The following SMOC1 variants were observed in gnomAD, a reference collection of about 807,000 sequenced individuals.
SMOC1 encodes SPARC-related modular calcium-binding protein 1.
Under a neutral mutation model 56.3 loss-of-function variants are expected in SMOC1, and 22 were observed. That is an observed-to-expected ratio of 0.39 (90% CI 0.28 to 0.56). The LOEUF is 0.56. SMOC1 is among the 20% of genes least tolerant of loss of function. The pLI, the probability that SMOC1 is intolerant of heterozygous loss-of-function variation, is 0.61. For synonymous variants in SMOC1, 193 were observed against 215.0 expected, an observed-to-expected ratio of 0.90 and a Z score of 0.89; for missense variants, 509 against 565.4, an observed-to-expected ratio of 0.90 and a Z score of 1.01.
chr14:69,940,001 G>A (rs141444417), intron 1 of SMOC1, among the ~76,000 whole-genome samples: 7 of 152,308 alleles, frequency 4.6e-5, no homozygotes, highest in African/African-American at 7.2e-5. Context: ...GTTTCTCTTT[G>A]CCATCTAGCT....
chr14:70,023,829 A>ATGTGTGTG (rs57688603), intron 11 of SMOC1, among the ~76,000 whole-genome samples: 1 of 144,944 alleles, frequency 6.9e-6, no homozygotes, highest in African/African-American at 2.5e-5. Context: ...GAGTGTGTGT[A>ATGTGTGTG]TGTGTGTGTG....
chr14:69,999,499 A>G (rs1210004498), intron 7 of SMOC1, among the ~76,000 whole-genome samples: 1 of 152,206 alleles, frequency 6.6e-6, no homozygotes. Context: ...TGAGTAATCC[A>G]CTAACGTTAG....
chr14:69,990,893 C>T lies in SMOC1; in HGVS notation c.527-1524C>T, dbSNP rs116935865. On this transcript the variant is annotated intron_variant, in intron 5 of 11. Coordinates refer to ENST00000361956, the MANE Select transcript of SMOC1 (RefSeq NM_001034852.3). ...AATAATATCAGGGTCAGGTGTCACCCGACTGTCAGCTCAGCTGCTGGCCTC... is the reference window on the plus strand; with the variant it reads ...AATAATATCAGGGTCAGGTGTCACCTGACTGTCAGCTCAGCTGCTGGCCTC... Among the ~76,000 whole-genome samples the T allele has an allele frequency of 1.1e-4, 17 of 152,216 alleles. No individual in the cohort carries two copies. The East Asian group carries it at 3.1e-3, about 28-fold the overall frequency.
At chr14:70,005,194 AAG>A (rs1885108307) in intron 7 of SMOC1, among the ~76,000 whole-genome samples, 2 of 152,232 alleles carry the variant, frequency 1.3e-5, no homozygotes, top group Admixed American at 6.5e-5. Flanking sequence ...AGAAAGGAAA[AAG>A]ATGATGAAGA....
intron 10 of SMOC1, among the ~76,000 whole-genome samples, chr14:70,015,765 G>C (rs536248300): frequency 6.6e-6 from 1 of 152,292 alleles, no homozygotes; most frequent in Admixed American, 6.5e-5. Flanking sequence ...AGCACATCCA[G>C]ATCTCCAAGA....
intron 10 of SMOC1, among the ~76,000 whole-genome samples, chr14:70,018,588 A>T (rs1286602746): frequency 6.6e-6 from 1 of 152,138 alleles, no homozygotes; most frequent in Non-Finnish European, 1.5e-5. Flanking sequence ...TCCCCCTTAG[A>T]ACAGCCTTCC....
At chr14:69,952,918 G>T (rs958967148) in intron 2 of SMOC1, among the ~76,000 whole-genome samples, 2 of 152,090 alleles carry the variant, frequency 1.3e-5, no homozygotes. Flanking sequence ...TCTCATATCC[G>T]GCTGGTTTCT....
At chr14:69,969,479 G>C (rs1303717212) in intron 3 of SMOC1, among the ~76,000 whole-genome samples, 1 of 151,942 alleles carries the variant, frequency 6.6e-6, no homozygotes, top group East Asian at 1.9e-4. Flanking sequence ...AGGGAGGGGA[G>C]GTGCCACACA....
chr14:69,990,651 T>C (rs2139540170), intron 5 of SMOC1, among the ~76,000 whole-genome samples: 1 of 152,358 alleles, frequency 6.6e-6, no homozygotes, highest in African/African-American at 2.4e-5. Context: ...ATTGTGTGGC[T>C]CTGTTCTGTG....
chr14:69,922,195 A>G (rs1449527759), intron 1 of SMOC1, among the ~76,000 whole-genome samples: 2 of 152,242 alleles, frequency 1.3e-5, no homozygotes, highest in East Asian at 1.9e-4. Flanking sequence ...TCTCATTGGT[A>G]AAATAAAAGT....
At chr14:69,998,642 T>C (rs1473918992) in intron 7 of SMOC1, among the ~76,000 whole-genome samples, 1 of 152,166 alleles carries the variant, frequency 6.6e-6, no homozygotes, top group African/African-American at 2.4e-5. Context: ...TACATCTTTG[T>C]TTCTATATGA....
At chr14:69,997,758 G>A (rs2139556498) in intron 7 of SMOC1, among the ~76,000 whole-genome samples, 2 of 152,262 alleles carry the variant, frequency 1.3e-5, no homozygotes, top group South Asian at 4.1e-4. Flanking sequence ...ACTTATGTCT[G>A]GATATTTGGC....
At chr14:70,022,418 C>G (rs1411055602) in intron 10 of SMOC1, among the ~76,000 whole-genome samples, 1 of 152,168 alleles carries the variant, frequency 6.6e-6, no homozygotes, top group Non-Finnish European at 1.5e-5. Context: ...TGACTCTAGT[C>G]CAGCATTTCT....
In SMOC1 at chr14:69,879,527, G is replaced by C. The variant is rs977446837; in HGVS notation, c.-152G>C. On this transcript the variant is annotated 5_prime_UTR_variant, in exon 1 of 12. Transcript: ENST00000361956. ...TGCGCGGTTCATGACTGTGTCCCCT[G>C]ACCGCAGCCTCTGCGAGCCCCCGCC... 1.6e-4 allele frequency: 81 copies of C among 517,110 alleles called. No individual in the cohort carries two copies. Among genetic ancestry groups the C allele is most frequent in the African/African-American group, 1.6e-3 (77 of 49,266 alleles). The allele number at this position is 517,110 out of a possible 1,614,324, so 32.0% of individuals were successfully genotyped here. A position where few individuals can be genotyped will look rare whatever the true frequency, so the allele number is the denominator to read the frequency against.
intron 1 of SMOC1, among the ~76,000 whole-genome samples, chr14:69,927,793 C>G (rs1206703557): frequency 6.6e-6 from 1 of 152,184 alleles, no homozygotes; most frequent in Non-Finnish European, 1.5e-5. Flanking sequence ...CTAGCAGGGC[C>G]TGGTGCTAGT....
At chr14:70,001,701 T>C (rs1884976024) in intron 7 of SMOC1, among the ~76,000 whole-genome samples, 1 of 152,186 alleles carries the variant, frequency 6.6e-6, no homozygotes, top group South Asian at 2.1e-4. Context: ...CTAATAGGAA[T>C]AGTAGCTACC....
At chr14:70,017,148 C>T (rs116627091) in intron 10 of SMOC1, among the ~76,000 whole-genome samples, 1,670 of 152,266 alleles carry the variant, frequency 0.011, 16 homozygotes, top group Non-Finnish European at 0.015. Context: ...ATCCCTGTCT[C>T]GATAAGACCT....
chr14:69,981,241 C>T lies in SMOC1; in HGVS notation c.526+3276C>T, dbSNP rs1884168668. Among the ~76,000 whole-genome samples the T allele has an allele frequency of 1.3e-5, 2 of 151,644 alleles. 1 individual carries two copies. The highest frequency in any genetic ancestry group is 4.9e-5 in the African/African-American group (2 of 41,112). On this transcript the variant is annotated intron_variant, in intron 5 of 11. Coordinates refer to ENST00000361956, the MANE Select transcript of SMOC1 (RefSeq NM_001034852.3). ...AAGAAGTGGGGGAAGGAGGGGGAGA[C>T]ACTGTTATCTTACCCAGATGCACGT...
intron 6 of SMOC1, 149 bp downstream of exon 6, chr14:69,992,622 C>A (rs1884606200): frequency 1.4e-6 from 1 of 711,952 alleles, no homozygotes; most frequent in Non-Finnish European, 2.4e-6. Flanking sequence ...GTTGTTTTAA[C>A]CTTTTTAAAA....
Sources: allele counts gnomAD v4.1 joint callset (sites outside exome capture counted in the v4.1 genomes callset), GRCh38; gene constraint gnomAD v4.1.1; transcripts MANE v1.5; gene names NCBI Gene and HGNC (gene_info 2026-07-23, HGNC 2026-07-21).